LNX1: variants seen among roughly 807,000 people sequenced by gnomAD.
The protein encoded by LNX1 is ligand of numb-protein X 1.
In LNX1, 54 loss-of-function variants were observed where a neutral mutation model predicts 68.4. The ratio of observed to expected loss-of-function variants is 0.79; its 90% CI spans 0.63 to 0.99. The LOEUF is 0.99. LNX1 is among the 50% of genes least tolerant of loss of function. The pLI, the probability that LNX1 is intolerant of heterozygous loss-of-function variation, is 0.00. For synonymous variants in LNX1, 336 were observed against 350.0 expected (o/e 0.96, Z 0.45); for missense variants, 906 against 926.4 (o/e 0.98, Z 0.29).
At chr4:53,522,754 G>T (rs1368971569) in intron 2 of LNX1, among the ~76,000 whole-genome samples, 2 of 152,012 alleles carry the variant, frequency 1.3e-5, no homozygotes, top group Non-Finnish European at 2.9e-5. Flanking sequence ...GGAAAATAAA[G>T]AAAATATTAT....
chr4:53,505,093 G>C (rs1476825092), intron 4 of LNX1, among the ~76,000 whole-genome samples: 1 of 152,000 alleles, frequency 6.6e-6, no homozygotes, highest in Non-Finnish European at 1.5e-5. Context: ...ATAAAAATGA[G>C]GTATGCTTTT....
rs115588745 is a variant in LNX1, at chr4:53,505,763, C to T, written c.775+1554G>A. Among the ~76,000 whole-genome samples the T allele has an allele frequency of 3.5e-3, 531 of 152,230 alleles. 2 individuals are homozygous for T. The highest frequency in any genetic ancestry group is 0.012 in the African/African-American group (504 of 41,530). On this transcript the variant is annotated intron_variant, in intron 4 of 10. Transcript: ENST00000263925. ...GTACAGTTACATGAAACATGATCAT[C>T]GCTGATACAGGTGCTTCAAAAACAC...
chr4:53,536,194 C>G (rs1340020189), intron 2 of LNX1, among the ~76,000 whole-genome samples: 1 of 152,194 alleles, frequency 6.6e-6, no homozygotes, highest in East Asian at 1.9e-4. Flanking sequence ...AAACACAATG[C>G]TCTCCATCTG....
chr4:53,570,675 T>TAAATAAAC (rs1181518661), intron 2 of LNX1, among the ~76,000 whole-genome samples: 1 of 149,242 alleles, frequency 6.7e-6, no homozygotes, highest in Admixed American at 6.7e-5. Flanking sequence ...AATAAATAAA[T>TAAATAAAC]AAATAAATAA....
At chr4:53,568,177 G>A (rs1049242622) in intron 2 of LNX1, among the ~76,000 whole-genome samples, 2 of 151,758 alleles carry the variant, frequency 1.3e-5, no homozygotes, top group African/African-American at 2.4e-5. Context: ...ACCAAAGCCG[G>A]GCAGAGACAC....
At chr4:53,623,206 C>CTT (rs34868847) in intron 1 of LNX1, among the ~76,000 whole-genome samples, 49,694 of 142,234 alleles carry the variant, frequency 0.35, 9,329 homozygotes, top group East Asian at 0.58. Flanking sequence ...GAGAGCAATT[C>CTT]TTTTTTTTTT....
intron 2 of LNX1, among the ~76,000 whole-genome samples, chr4:53,567,703 A>G (rs1183800099): frequency 6.6e-6 from 1 of 152,254 alleles, no homozygotes; most frequent in African/African-American, 2.4e-5. Context: ...TGATGAATCC[A>G]GGAGCTGGTT....
chr4:53,612,918 G>C (rs1457868630), intron 2 of LNX1, among the ~76,000 whole-genome samples: 1 of 151,786 alleles, frequency 6.6e-6, no homozygotes, highest in African/African-American at 2.4e-5. Context: ...AGTTGTGCTA[G>C]TTGACAGGAA....
intron 6 of LNX1, among the ~76,000 whole-genome samples, chr4:53,491,131 T>A (rs372855121): frequency 2.0e-5 from 3 of 151,700 alleles, no homozygotes; most frequent in African/African-American, 7.3e-5. Context: ...TGAGTAAGAG[T>A]TTTTCTTTTG....
At chr4:53,470,504 A>G (rs1451584570) in intron 9 of LNX1, among the ~76,000 whole-genome samples, 1 of 152,220 alleles carries the variant, frequency 6.6e-6, no homozygotes, top group African/African-American at 2.4e-5. Context: ...ATCAGGAAGG[A>G]GAAGGAAATA....
At chr4:53,572,029 C>G (rs1731201129) in intron 2 of LNX1, among the ~76,000 whole-genome samples, 1 of 152,130 alleles carries the variant, frequency 6.6e-6, no homozygotes, top group Non-Finnish European at 1.5e-5. Context: ...ACACAGCTCC[C>G]CAGCACAAAT....
In LNX1 at chr4:53,459,575, CT is replaced by C. The variant is rs750952262; in HGVS notation, c.*1331del. On this transcript the variant is annotated 3_prime_UTR_variant, in exon 11 of 11. Coordinates refer to ENST00000263925, the MANE Select transcript of LNX1 (RefSeq NM_001126328.3). ...TCTGTTTGTTAGTATGAAAAGTTAA[CT>C]TTTTTTCCAAAATAAAAGAGTGAAT... is the stretch of plus-strand genomic sequence containing the variant. The C allele has an allele frequency of 6.6e-6, 9 of 1,368,366 alleles. No individual in the cohort carries two copies. In the South Asian group the frequency reaches 9.0e-5, roughly 14 times the overall value. The allele number at this position is 1,368,366 out of a possible 1,614,324, so 84.8% of individuals were successfully genotyped here.
chr4:53,481,323 GA>G (rs1723900345), intron 7 of LNX1, among the ~76,000 whole-genome samples: 1 of 152,208 alleles, frequency 6.6e-6, no homozygotes, highest in Admixed American at 6.5e-5. Flanking sequence ...AAGTAGCGGG[GA>G]AATCACTCAT....
intron 2 of LNX1, among the ~76,000 whole-genome samples, chr4:53,566,353 TAAAG>T (rs1160237475): frequency 4.0e-5 from 6 of 151,830 alleles, no homozygotes; most frequent in Non-Finnish European, 7.3e-5. Flanking sequence ...TCAACATTCT[TAAAG>T]AAAAGAATTT....
At chr4:53,527,496 A>G (rs1371549330) in intron 2 of LNX1, among the ~76,000 whole-genome samples, 2 of 152,186 alleles carry the variant, frequency 1.3e-5, no homozygotes, top group Non-Finnish European at 2.9e-5. Context: ...CTCTGTTATT[A>G]ACAAAAGTTC....
intron 2 of LNX1, among the ~76,000 whole-genome samples, chr4:53,535,829 C>T (rs1728334507): frequency 6.6e-6 from 1 of 152,156 alleles, no homozygotes; most frequent in South Asian, 2.1e-4. Context: ...TGGCACAGTT[C>T]ATGAGCATGT....
chr4:53,514,480 A>G (rs1726598377), intron 2 of LNX1, among the ~76,000 whole-genome samples: 1 of 114,798 alleles, frequency 8.7e-6, no homozygotes, highest in African/African-American at 3.2e-5. Flanking sequence ...ATATGGCGGC[A>G]GGCAAGAGGG....
intron 4 of LNX1, among the ~76,000 whole-genome samples, chr4:53,501,307 G>GC (rs1412817769): frequency 5.9e-5 from 7 of 119,410 alleles, no homozygotes; most frequent in South Asian, 3.3e-4. Flanking sequence ...TTTGGGGGTG[G>GC]GGGGACAGGA....
chr4:53,592,831 A>C (rs1011881638), upstream of LNX1: 1 of 152,218 alleles, frequency 6.6e-6, no homozygotes, highest in Non-Finnish European at 1.5e-5. Flanking sequence ...GGCTGCAGTC[A>C]GTCAATAGCT....
Sources: gnomAD v4.1 joint callset for allele counts (sites outside exome capture counted in the v4.1 genomes callset) on GRCh38, gnomAD v4.1.1 for gene constraint, MANE v1.5 for transcripts, NCBI Gene and HGNC (gene_info 2026-07-23, HGNC 2026-07-21) for gene names.